TRPM8: variants seen among roughly 807,000 people sequenced by gnomAD.
TRPM8 encodes the protein TRPM8 cationic channel.
In TRPM8, 110 loss-of-function variants were observed where a neutral mutation model predicts 133.7. The observed-to-expected ratio is 0.82, with a 90% CI of 0.70 to 0.96. TRPM8 has a LOEUF of 0.96. Among genes scored for constraint, TRPM8 ranks in the 40% least tolerant of loss-of-function variants. The pLI is 0.00. For missense variants in TRPM8, 1,291 were observed against 1,379.5 expected (o/e 0.94, Z 1.02); for synonymous variants, 535 against 532.3 (o/e 1.01, Z -0.07).
chr2:233,975,108 C>A (rs762612457), intron 17 of TRPM8, among the ~76,000 whole-genome samples: 1 of 152,208 alleles, frequency 6.6e-6, no homozygotes, highest in South Asian at 2.1e-4. Context: ...CAGTTCCTAA[C>A]ACATACTCTG....
intron 3 of TRPM8, among the ~76,000 whole-genome samples, chr2:233,932,153 G>C (rs1283992671): frequency 5.9e-5 from 9 of 152,238 alleles, no homozygotes; most frequent in African/African-American, 2.2e-4. Flanking sequence ...TCTGTGGGGT[G>C]TGATAATGGG....
chr2:233,973,556 C>T (rs1408082616), intron 17 of TRPM8, among the ~76,000 whole-genome samples: 2 of 152,214 alleles, frequency 1.3e-5, no homozygotes, highest in African/African-American at 4.8e-5. Flanking sequence ...AGCATGACTT[C>T]CTCTTTACTT....
chr2:233,981,774 G>A lies in TRPM8; in HGVS notation c.2448G>A (p.Arg816=). Residue 816 remains arginine (R), a splice_region_variant and synonymous_variant, in exon 19 of 26, where the codon CGG becomes CGA. Coordinates refer to ENST00000324695, the MANE Select transcript of TRPM8 (RefSeq NM_024080.5). ...LFYFIAGIVF[R]LHSSNKSSLY... Reference sequence around the variant, plus strand: ...ATTCTGTTCCTTCTTTTCCCCCTAGGCTCCACTCTTCTAATAAAAGCTCTT... The same window carrying A: ...ATTCTGTTCCTTCTTTTCCCCCTAGACTCCACTCTTCTAATAAAAGCTCTT... 1 of 1,604,334 alleles carries A rather than the reference G, an allele frequency of 6.2e-7. No homozygotes were observed. The highest frequency in any genetic ancestry group is 1.1e-5 in the South Asian group (1 of 88,210).
At chr2:233,966,505 C>A in intron 14 of TRPM8, 105 bp from the exon 15 acceptor site, 2 of 1,404,780 alleles carry the variant, frequency 1.4e-6, no homozygotes, top group Non-Finnish European at 9.9e-7. Flanking sequence ...TGGACTCACG[C>A]ACAGGCTATT....
At chr2:233,996,991 G>A (rs183716774) in intron 22 of TRPM8, among the ~76,000 whole-genome samples, 46 of 152,324 alleles carry the variant, frequency 3.0e-4, no homozygotes, top group African/African-American at 8.2e-4. Flanking sequence ...GTGGCCAGGC[G>A]TGGTGGCTCA....
chr2:233,949,363 C>G (rs555091013), intron 8 of TRPM8, among the ~76,000 whole-genome samples: 1 of 152,198 alleles, frequency 6.6e-6, no homozygotes, highest in Non-Finnish European at 1.5e-5. Flanking sequence ...CCTCTGCTGT[C>G]CTCTGCAGTT....
chr2:233,956,430 A>C (rs1179647737), intron 11 of TRPM8, among the ~76,000 whole-genome samples: 3 of 152,334 alleles, frequency 2.0e-5, no homozygotes, highest in East Asian at 1.9e-4. Context: ...ACTAAAGTGC[A>C]GTCAGCCCTA....
At chr2:233,962,848 C>T (rs573539026) in intron 12 of TRPM8, among the ~76,000 whole-genome samples, 4 of 152,186 alleles carry the variant, frequency 2.6e-5, no homozygotes, top group South Asian at 2.1e-4. Context: ...GGTTAGGCAT[C>T]GAATCTTTGA....
At chr2:233,968,111 C>T (rs6709823) in intron 15 of TRPM8, 29,203 of 152,104 alleles carry the variant, frequency 0.19, 3,327 homozygotes, top group African/African-American at 0.32. Flanking sequence ...CTGTAATTTC[C>T]GTGACTGGGG....
chr2:233,971,543 G>A (rs536016040), intron 17 of TRPM8, among the ~76,000 whole-genome samples: 3 of 152,288 alleles, frequency 2.0e-5, no homozygotes, highest in East Asian at 1.9e-4. Flanking sequence ...TGGAGGTGGA[G>A]GAAGTGTGTC....
chr2:233,936,205 T>A (rs1690735123), intron 3 of TRPM8, among the ~76,000 whole-genome samples: 1 of 152,140 alleles, frequency 6.6e-6, no homozygotes, highest in South Asian at 2.1e-4. Flanking sequence ...AGAGACCAAC[T>A]TAAAGGCAGG....
intron 22 of TRPM8, among the ~76,000 whole-genome samples, chr2:233,999,144 T>TGGGGC (rs1237081856): frequency 3.9e-5 from 6 of 151,910 alleles, no homozygotes. Context: ...GGGTCCCTCC[T>TGGGGC]GGGGCAGGGC....
intron 21 of TRPM8, among the ~76,000 whole-genome samples, chr2:233,988,871 TC>T (rs1692210575): frequency 6.6e-6 from 1 of 152,152 alleles, no homozygotes; most frequent in African/African-American, 2.4e-5. Flanking sequence ...TGATTATGTC[TC>T]CACAAGAGAG....
chr2:233,947,313 G>A (rs779616025), intron 8 of TRPM8, 158 bp downstream of exon 8: 44 of 1,545,410 alleles, frequency 2.8e-5, no homozygotes, highest in African/African-American at 2.7e-4. Context: ...AACAGACTCC[G>A]GTTATTCCTC....
chr2:233,926,556 A>G lies in TRPM8; in HGVS notation c.19A>G (p.Arg7Gly), dbSNP rs1250118241. 4.3e-6 allele frequency: 7 copies of G among 1,613,968 alleles called. No individual in the cohort carries two copies. The highest frequency in any genetic ancestry group is 5.9e-6 in the Non-Finnish European group (7 of 1,179,986). Reference protein sequence around the residue: MSFRAARLSMRNRRNDT... With the variant: MSFRAAGLSMRNRRNDT... ...AGAAAAGATGTCCTTTCGGGCAGCC[A>G]GGCTCAGCATGAGGAACAGAAGGAA... Residue 7 changes from arginine (R) to glycine (G), a missense_variant, in exon 2 of 26, where the codon AGG becomes GGG. Arg to Gly is a moderately radical substitution (Grantham distance 125, BLOSUM62 -2). This residue lies in a region of TRPM8 where 963 missense variants were observed against 968.9 expected (regional missense o/e 0.99). Coordinates refer to ENST00000324695, the MANE Select transcript of TRPM8 (RefSeq NM_024080.5).
At chr2:233,992,283 T>G (rs1288621160) in intron 21 of TRPM8, among the ~76,000 whole-genome samples, 1 of 152,150 alleles carries the variant, frequency 6.6e-6, no homozygotes, top group Non-Finnish European at 1.5e-5. Flanking sequence ...CCTTTCTCTT[T>G]CTCTTCCTAA....
chr2:233,961,439 G>A (rs1691434343), intron 12 of TRPM8, among the ~76,000 whole-genome samples: 1 of 152,090 alleles, frequency 6.6e-6, no homozygotes, highest in South Asian at 2.1e-4. Context: ...CTGAGTAGCT[G>A]GGACTACAGG....
intron 9 of TRPM8, among the ~76,000 whole-genome samples, chr2:233,950,736 A>G (rs1691155061): frequency 6.6e-6 from 1 of 152,170 alleles, no homozygotes; most frequent in Non-Finnish European, 1.5e-5. Context: ...TTGCTCCCCA[A>G]CCCTGAGTAG....
Position 233,945,931 on chromosome 2 carries a change from C to T in TRPM8, c.775C>T (p.His259Tyr), listed in dbSNP as rs199593973. ...GTATATCCTGGACAACAACCACACA[C>T]ATTTGCTGCTCGTGGACAATGGCTG... ...PLYILDNNHT[H>Y]LLLVDNGCHG... is the part of the protein sequence containing the mutation. The change falls in exon 7 of 26, where the codon CAT becomes TAT. Residue 259 changes from histidine to tyrosine, a missense_variant. Physicochemically the swap from His to Tyr is moderately conservative, Grantham distance 83. Around this residue, in one of 2 missense-constraint regions of TRPM8, gnomAD observed 963 missense variants for 968.9 expected, o/e 0.99. Coordinates refer to ENST00000324695, the MANE Select transcript of TRPM8 (RefSeq NM_024080.5). The T allele has an allele frequency of 2.2e-5, 36 of 1,614,062 alleles. No homozygotes were observed. The highest frequency in any genetic ancestry group is 3.0e-5 in the Non-Finnish European group (35 of 1,180,014).
Sources: gnomAD v4.1 joint callset for allele counts (sites outside exome capture counted in the v4.1 genomes callset) on GRCh38, gnomAD v4.1.1 for gene constraint, gnomAD v4.1.1 regional missense constraint, MANE v1.5 for transcripts, NCBI Gene and HGNC (gene_info 2026-07-23, HGNC 2026-07-21) for gene names.